The following HGF variants were observed in gnomAD, a reference collection of about 807,000 sequenced individuals.
HGF encodes hepatocyte growth factor, also known as fibroblast-derived tumor cytotoxic factor.
HGF carries 39 observed loss-of-function variants against 111.6 expected under a neutral mutation model. The ratio of observed to expected loss-of-function variants is 0.35; its 90% CI spans 0.27 to 0.46. The LOEUF (loss-of-function observed/expected upper bound fraction) is 0.46, where lower values mean the gene tolerates loss of function less well. HGF is among the 20% of genes least tolerant of loss of function. The pLI is 1.00. For synonymous variants in HGF, 285 were observed against 294.8 expected (o/e 0.97, Z 0.34); for missense variants, 735 against 910.5 (o/e 0.81, Z 2.48).
chr7:81,748,495 G>A lies in HGF; in HGVS notation c.626-3375C>T, dbSNP rs1180227929. On this transcript the variant is annotated intron_variant, in intron 5 of 17. Coordinates refer to ENST00000222390, the MANE Select transcript of HGF (RefSeq NM_000601.6). ...ACTTTTCAAGCTTTGGGAATTCTCA[G>A]ATTCTTCTAATTTTTCTTAAAGTCA... Among the ~76,000 whole-genome samples the A allele has an allele frequency of 2.0e-5, 3 of 152,134 alleles. No homozygotes were observed. The East Asian group carries it at 5.8e-4, about 29-fold the overall frequency.
chr7:81,708,294 A>C (rs1474873917), intron 13 of HGF, among the ~76,000 whole-genome samples: 1 of 152,132 alleles, frequency 6.6e-6, no homozygotes, highest in East Asian at 1.9e-4. Context: ...GGATTTAAAA[A>C]GGAAAAAAAC....
chr7:81,717,415 G>C, intron 10 of HGF, 50 bp from the exon 11 acceptor site: 1 of 1,538,360 alleles, frequency 6.5e-7, no homozygotes, highest in Middle Eastern at 1.7e-4. Context: ...TTCCATCCAA[G>C]AGACACAAAA....
chr7:81,713,039 T>A (rs1789612354), intron 11 of HGF, among the ~76,000 whole-genome samples: 1 of 152,166 alleles, frequency 6.6e-6, no homozygotes, highest in Non-Finnish European at 1.5e-5. Context: ...TTCAAGGATA[T>A]TGGTTTTCCA....
chr7:81,745,201 C>T, intron 5 of HGF, 81 bp from the exon 6 acceptor site: 4 of 1,427,706 alleles, frequency 2.8e-6, no homozygotes, highest in African/African-American at 1.4e-5. Context: ...AAGAACAGCA[C>T]CTGTTTAGTA....
chr7:81,711,167 A>T (rs1221314437), intron 12 of HGF, among the ~76,000 whole-genome samples: 6 of 152,178 alleles, frequency 3.9e-5, no homozygotes, highest in African/African-American at 1.4e-4. Context: ...AAATCATGGT[A>T]TATATAAAGG....
chr7:81,751,576 TC>T, intron 5 of HGF: 2 of 994,382 alleles, frequency 2.0e-6, no homozygotes, highest in Non-Finnish European at 2.4e-6. Context: ...GGTACTCAGT[TC>T]CAGCCTACGT....
intron 7 of HGF, among the ~76,000 whole-genome samples, chr7:81,737,083 G>T (rs1787855485): frequency 1.3e-5 from 2 of 152,032 alleles, no homozygotes; most frequent in South Asian, 4.1e-4. Context: ...ATGCTCTTAT[G>T]TGAAAGGTAT....
intron 11 of HGF, among the ~76,000 whole-genome samples, chr7:81,716,992 G>A (rs1335310120): frequency 1.3e-5 from 2 of 152,036 alleles, no homozygotes; most frequent in Admixed American, 6.6e-5. Flanking sequence ...ATCTTCTGAG[G>A]GAAGAGAATC....
At chr7:81,764,298 G>T (rs184009807) in intron 1 of HGF, among the ~76,000 whole-genome samples, 4 of 152,046 alleles carry the variant, frequency 2.6e-5, no homozygotes, top group South Asian at 2.1e-4. Flanking sequence ...GAGAAAACAC[G>T]AGGTCCTCTA....
At chr7:81,710,267 T>G in intron 12 of HGF, 24 bp from the exon 13 acceptor site, 1 of 1,499,034 alleles carries the variant, frequency 6.7e-7, no homozygotes, top group Non-Finnish European at 9.3e-7. Flanking sequence ...AAACATAACA[T>G]TTTTTAAAAT....
chr7:81,702,547 G>A lies in HGF; in HGVS notation c.*34C>T. On this transcript the variant is annotated 3_prime_UTR_variant, in exon 18 of 18. Coordinates refer to ENST00000222390, the MANE Select transcript of HGF (RefSeq NM_000601.6). ...TGAAATCTTCATGTAAAAGACAGTT[G>A]TATTGGTGGGTGCTTCAGACACACT... The A allele has an allele frequency of 6.5e-7, 1 of 1,527,274 alleles. No individual in the cohort carries two copies. The highest frequency in any genetic ancestry group is 9.1e-7 in the Non-Finnish European group (1 of 1,102,110). The allele number at this position is 1,527,274 out of a possible 1,614,324, so 94.6% of individuals were successfully genotyped here.
intron 5 of HGF, among the ~76,000 whole-genome samples, chr7:81,745,850 C>A (rs2116054111): frequency 6.6e-6 from 1 of 152,230 alleles, no homozygotes; most frequent in East Asian, 1.9e-4. Flanking sequence ...GAGGTTAATT[C>A]ATTGTTCTCT....
At chr7:81,757,004 A>G in intron 4 of HGF, 185 bp downstream of exon 4, 1 of 608,078 alleles carries the variant, frequency 1.6e-6, no homozygotes, top group East Asian at 2.8e-5. Flanking sequence ...GCTACATTTT[A>G]TTAACATATT....
intron 5 of HGF, chr7:81,751,236 C>T (rs1305293864): frequency 1.0e-6 from 1 of 975,598 alleles, no homozygotes; most frequent in African/African-American, 1.8e-5. Context: ...AGTCCCCCTC[C>T]CCAAATACTC....
chr7:81,738,577 A>T (rs1296157371), intron 7 of HGF, among the ~76,000 whole-genome samples: 1 of 152,182 alleles, frequency 6.6e-6, no homozygotes, highest in Non-Finnish European at 1.5e-5. Flanking sequence ...AATGAGCAAC[A>T]TTAATTCTTT....
intron 17 of HGF, among the ~76,000 whole-genome samples, chr7:81,704,176 T>G (rs917580361): frequency 4.0e-5 from 6 of 151,794 alleles, no homozygotes; most frequent in Non-Finnish European, 8.8e-5. Flanking sequence ...GTCTTATCAA[T>G]AAAGTTAAAA....
Position 81,731,058 on chromosome 7 carries a change from T to C in HGF, c.866-1279A>G, listed in dbSNP as rs76422503. On this transcript the variant is annotated intron_variant, in intron 7 of 17. Transcript: ENST00000222390. Reference sequence around the variant, plus strand: ...AAATTTCATCTAAACACCTCTCTCATACAAACCATTTCTACCTTATGTAGT... The same window carrying C: ...AAATTTCATCTAAACACCTCTCTCACACAAACCATTTCTACCTTATGTAGT... Among the ~76,000 whole-genome samples the C allele has an allele frequency of 7.9e-4, 121 of 152,340 alleles. 1 individual carries two copies. In the East Asian group the frequency reaches 0.019, roughly 25 times the overall value.
chr7:81,710,266 A>G lies in HGF; in HGVS notation c.1445-23T>C, dbSNP rs746328692. 3 of 1,498,258 alleles carry G rather than the reference A, an allele frequency of 2.0e-6. No homozygotes were observed. The Admixed American group carries it at 5.0e-5, about 25-fold the overall frequency. 92.8% of individuals were successfully genotyped at this position (1,498,258 alleles called of 1,614,324 possible). On this transcript the variant is annotated intron_variant, in intron 12 of 17. Coordinates refer to ENST00000222390, the MANE Select transcript of HGF (RefSeq NM_000601.6). ...GATCTGAAACAGGACCAAACATAAC[A>G]TTTTTTAAAATAAGAATTTGAAATA... is the stretch of plus-strand genomic sequence containing the variant.
At position 81,699,589 on chromosome 7, in the gene HGF, T is replaced by A. The variant is rs1044051663; in HGVS notation, c.*2992A>T. On this transcript the variant is annotated 3_prime_UTR_variant, in exon 18 of 18. Coordinates refer to ENST00000222390, the MANE Select transcript of HGF (RefSeq NM_000601.6). ...AAAATTCTTTACCACATGATCTCTATATTGCAAAACCAGTATTTCTTTTAA... is the reference window on the plus strand; with the variant it reads ...AAAATTCTTTACCACATGATCTCTAAATTGCAAAACCAGTATTTCTTTTAA... 1.3e-5 allele frequency: 2 copies of A among 151,668 alleles called. No individual in the cohort carries two copies. The highest frequency in any genetic ancestry group is 3.9e-4 in the East Asian group (2 of 5,178). 9.4% of individuals were successfully genotyped at this position (151,668 alleles called of 1,614,324 possible).
Sources: gnomAD v4.1 joint callset for allele counts (sites outside exome capture counted in the v4.1 genomes callset) on GRCh38, gnomAD v4.1.1 for gene constraint, MANE v1.5 for transcripts, NCBI Gene and HGNC (gene_info 2026-07-23, HGNC 2026-07-21) for gene names.